TERT: variants seen among roughly 807,000 people sequenced by gnomAD.
The protein encoded by TERT is telomerase reverse transcriptase.
Under a neutral mutation model 104.0 loss-of-function variants are expected in TERT, and 42 were observed. That is an observed-to-expected ratio of 0.40 (90% CI 0.32 to 0.52). TERT has a LOEUF of 0.52. TERT is among the 20% of genes least tolerant of loss of function. The pLI is 0.43. For missense variants in TERT, 1,101 were observed against 1,610.3 expected (o/e 0.68, Z 5.41); for synonymous variants, 781 against 725.6 (o/e 1.08, Z -1.23).
chr5:1,281,518 G>C (rs1438998836), intron 3 of TERT, among the ~76,000 whole-genome samples: 1 of 152,246 alleles, frequency 6.6e-6, no homozygotes, highest in Admixed American at 6.5e-5. Context: ...GCTCAGCCAG[G>C]CTGGCATCTC....
In TERT at chr5:1,254,517, C is replaced by CA. The variant is rs778399523; in HGVS notation, c.3158-13dup. The stretch of plus-strand genomic sequence containing the variant: ...CCCCAGCGACATCCCTGGGGGAAAA[C>CA]AGAGGCTGAGGAGTCACAGGCCCAG... On this transcript the variant is annotated splice_polypyrimidine_tract_variant and intron_variant, in intron 14 of 15. Transcript: ENST00000310581. 6.2e-7 allele frequency: 1 copy of CA among 1,608,784 alleles called. No individual in the cohort carries two copies. Among genetic ancestry groups the CA allele is most frequent in the Non-Finnish European group, 8.5e-7 (1 of 1,178,568 alleles).
At position 1,288,522 on chromosome 5, in the gene TERT, G is replaced by C. The variant is rs1372623373; in HGVS notation, c.1573+4791C>G. ...TGGCTGGACGTCAATCCATGTGAGG[G>C]GGCGACTGGAGGCAGAGCCCAGCCT... is the stretch of plus-strand genomic sequence containing the variant. On this transcript the variant is annotated intron_variant, in intron 2 of 15. Coordinates refer to ENST00000310581, the MANE Select transcript of TERT (RefSeq NM_198253.3). The surrounding 1 kb of genome is among the most constrained non-coding windows in gnomAD (Gnocchi z 5.3). Among the ~76,000 whole-genome samples the C allele has an allele frequency of 6.6e-6, 1 of 152,096 alleles. No homozygotes were observed. Among genetic ancestry groups the C allele is most frequent in the Non-Finnish European group, 1.5e-5 (1 of 68,024 alleles).
In TERT at chr5:1,293,567, T is replaced by A; in HGVS notation, c.1319A>T (p.Glu440Val). ...KPQGSVAAPEEEDTDPRRLVQ... is the reference protein window; with the variant it reads ...KPQGSVAAPEVEDTDPRRLVQ... ...CAGGCGACGGGGGTCTGTGTCCTCC[T>A]CCTCGGGGGCCGCCACAGAGCCCTG... The change falls in exon 2 of 16, where the codon GAG (glutamate) becomes GTG (valine). Residue 440 changes from glutamate to valine, a missense_variant. Physicochemically the swap from Glu to Val is moderately radical, Grantham distance 121. Around this residue, in one of 5 missense-constraint regions of TERT, gnomAD observed 504 missense variants for 544.6 expected, o/e 0.93. Transcript: ENST00000310581. The A allele has an allele frequency of 6.5e-7, 1 of 1,546,192 alleles. No individual in the cohort carries two copies. Among genetic ancestry groups the A allele is most frequent in the Non-Finnish European group, 8.7e-7 (1 of 1,143,796 alleles).
chr5:1,280,903 G>A (rs900613965), intron 3 of TERT, among the ~76,000 whole-genome samples: 2 of 152,246 alleles, frequency 1.3e-5, no homozygotes, highest in Non-Finnish European at 2.9e-5. Context: ...GGGCTGGAGC[G>A]GCCACACCTG....
intron 10 of TERT, 90 bp downstream of exon 10, chr5:1,266,374 C>T (rs757031254): frequency 2.5e-5 from 29 of 1,152,574 alleles, no homozygotes; most frequent in Middle Eastern, 2.2e-4. Flanking sequence ...GCAGAGACAA[C>T]GCTGCGGTGC....
rs1435939744 is a variant in TERT at position 1,263,294 on chromosome 5, G to T, written c.2843+1110C>A. On this transcript the variant is annotated intron_variant, in intron 11 of 15. Transcript: ENST00000310581. This position sits in a 1 kb window ranked among gnomAD's most constrained non-coding sequence, Gnocchi z 5.3. ...CTTATTTCTCTTCCCATGAAGGTGT[G>T]CCTTTCAGAGGAAGGCACCCCCAGT... Among the ~76,000 whole-genome samples, 1 of 152,122 alleles carries T rather than the reference G, an allele frequency of 6.6e-6. No homozygotes were observed. The highest frequency in any genetic ancestry group is 1.5e-5 in the Non-Finnish European group (1 of 68,032).
intron 2 of TERT, among the ~76,000 whole-genome samples, chr5:1,290,388 C>G (rs1241191712): frequency 3.5e-5 from 2 of 56,622 alleles, no homozygotes. Flanking sequence ...CCGGGGACGG[C>G]GCCTCACTCA....
rs1749437388 is a variant in TERT, at chr5:1,274,856, G to GA, written c.2287-2577dup. Among the ~76,000 whole-genome samples, 1 of 152,164 alleles carries GA rather than the reference G, an allele frequency of 6.6e-6. No homozygotes were observed. On this transcript the variant is annotated intron_variant, in intron 6 of 15. Transcript: ENST00000310581. This position sits in a 1 kb window ranked among gnomAD's most constrained non-coding sequence, Gnocchi z 5.3. ...TCGAAACTTTTCCTTCAAGGAGCCG[G>GA]AAAAACAACAATAAACAAAGCCTAA...
chr5:1,255,482 G>A lies in TERT; in HGVS notation c.3033-71C>T. ...ACGGTGCTCGTGGGTGTGGGCATGG[G>A]CCCACCGGTGCCTGTGTGCGTGCAT... On this transcript the variant is annotated intron_variant, in intron 13 of 15. Transcript: ENST00000310581. The surrounding 1 kb of genome is among the most constrained non-coding windows in gnomAD (Gnocchi z 6.9). The A allele has an allele frequency of 3.8e-6, 6 of 1,599,990 alleles. No homozygotes were observed. Among genetic ancestry groups the A allele is most frequent in the Non-Finnish European group, 5.1e-6 (6 of 1,169,870 alleles).
In TERT at chr5:1,256,249, A is replaced by G. The variant is rs1373385362; in HGVS notation, c.3033-838T>C. 6.6e-6 allele frequency among the ~76,000 whole-genome samples: 1 copy of G among 152,080 alleles called. No homozygotes were observed. Among genetic ancestry groups the G allele is most frequent in the Admixed American group, 6.5e-5 (1 of 15,274 alleles). On this transcript the variant is annotated intron_variant, in intron 13 of 15. Coordinates refer to ENST00000310581, the MANE Select transcript of TERT (RefSeq NM_198253.3). This position sits in a 1 kb window ranked among gnomAD's most constrained non-coding sequence, Gnocchi z 7.0. ...GGCTGGTCTTAAACTCCTGGGCTCA[A>G]GGGATCCTCTCGCCTCGGCCTCCCA...
intron 10 of TERT, among the ~76,000 whole-genome samples, chr5:1,266,218 G>A (rs1748589316): frequency 6.6e-6 from 1 of 152,208 alleles, no homozygotes; most frequent in African/African-American, 2.4e-5. Flanking sequence ...CACTCACCAC[G>A]TGTGTAACCT....
At position 1,255,985 on chromosome 5, in the gene TERT, T is replaced by C. The variant is rs1208128011; in HGVS notation, c.3033-574A>G. ...TGTAGGTTAAGTTCCTACTAAATGT[T>C]TCTTTCCAAGAAACTGCATTTGTCA... is the stretch of plus-strand genomic sequence containing the variant. On this transcript the variant is annotated intron_variant, in intron 13 of 15. Transcript: ENST00000310581. The surrounding 1 kb of genome is among the most constrained non-coding windows in gnomAD (Gnocchi z 6.9). Among the ~76,000 whole-genome samples the C allele has an allele frequency of 6.6e-6, 1 of 151,822 alleles. No homozygotes were observed. Among genetic ancestry groups the C allele is most frequent in the African/African-American group, 2.4e-5 (1 of 41,294 alleles).
rs876658018 is a variant in TERT at position 1,268,527 on chromosome 5, G to T, written c.2575C>A (p.Arg859=). 3 of 1,613,280 alleles carry T rather than the reference G, an allele frequency of 1.9e-6. No homozygotes were observed. Among genetic ancestry groups the T allele is most frequent in the Non-Finnish European group, 2.5e-6 (3 of 1,179,834 alleles). Residue 859 remains arginine (R), a synonymous_variant, in exon 9 of 16, where the codon CGG becomes AGG. Coordinates refer to ENST00000310581, the MANE Select transcript of TERT (RefSeq NM_198253.3). This position sits in a 1 kb window ranked among gnomAD's most constrained non-coding sequence, Gnocchi z 5.5. ...GGGAAGAGGAGGCCTCACCCGTCCCGCCGAATCCCCGCAAACAGCTTGTTC... is the reference window on the plus strand; with the variant it reads ...GGGAAGAGGAGGCCTCACCCGTCCCTCCGAATCCCCGCAAACAGCTTGTTC... The part of the protein sequence containing the change: ...MENKLFAGIR[R]DGLLLRLVDD...
intron 9 of TERT, among the ~76,000 whole-genome samples, chr5:1,266,926 C>T (rs1181248462): frequency 6.6e-6 from 1 of 152,196 alleles, no homozygotes; most frequent in Non-Finnish European, 1.5e-5. Flanking sequence ...CTGTGGTCCT[C>T]AGCATGATCC....
intron 11 of TERT, among the ~76,000 whole-genome samples, chr5:1,260,873 C>T (rs1456020777): frequency 6.6e-6 from 1 of 152,130 alleles, no homozygotes; most frequent in Non-Finnish European, 1.5e-5. Flanking sequence ...TCATCATCTG[C>T]CCTGATGAGA....
At position 1,271,208 on chromosome 5, in the gene TERT, C is replaced by T. The variant is rs761513215; in HGVS notation, c.2383-4G>A. ...TGGCCTCATTCAGGGAGGAGCTCTG[C>T]GAAAGCAGACGGGAGACACATGGGA... On this transcript the variant is annotated splice_polypyrimidine_tract_variant and splice_region_variant and intron_variant, in intron 7 of 15. Transcript: ENST00000310581. The T allele has an allele frequency of 1.2e-5, 20 of 1,610,498 alleles. No individual in the cohort carries two copies. The highest frequency in any genetic ancestry group is 6.7e-5 in the East Asian group (3 of 44,884).
At position 1,268,367 on chromosome 5, in the gene TERT, C is replaced by A. The variant is rs959793423; in HGVS notation, c.2582+153G>T. On this transcript the variant is annotated intron_variant, in intron 9 of 15. Coordinates refer to ENST00000310581, the MANE Select transcript of TERT (RefSeq NM_198253.3). This position sits in a 1 kb window ranked among gnomAD's most constrained non-coding sequence, Gnocchi z 5.5. ...AGTCCTCAGGCTGTGCAACCCCTCC[C>A]GTGCGGCTTCATACCAAGAAGGGGC... 1.3e-5 allele frequency among the ~76,000 whole-genome samples: 2 copies of A among 152,238 alleles called. No homozygotes were observed. Among genetic ancestry groups the A allele is most frequent in the African/African-American group, 2.4e-5 (1 of 41,462 alleles).
intron 2 of TERT, chr5:1,282,976 C>A: frequency 2.5e-6 from 1 of 397,370 alleles, no homozygotes. Flanking sequence ...ACCGCAGGGC[C>A]TGGCGACCTC....
chr5:1,291,579 C>T (rs1199000059), intron 2 of TERT, among the ~76,000 whole-genome samples: 10 of 126,354 alleles, frequency 7.9e-5, no homozygotes, highest in Non-Finnish European at 8.6e-5. Context: ...ACTCACCCTG[C>T]ACGTGACAGG....
Sources: gnomAD v4.1 joint callset for allele counts (sites outside exome capture counted in the v4.1 genomes callset) on GRCh38, gnomAD v4.1.1 for gene constraint, gnomAD v4.1.1 regional missense constraint, Gnocchi (gnomAD v3.1) non-coding constraint, MANE v1.5 for transcripts, NCBI Gene and HGNC (gene_info 2026-07-23, HGNC 2026-07-21) for gene names.